Variants in ARFGAP3 observed in about 807,000 individuals in gnomAD.
The protein encoded by ARFGAP3 is ARF GTPase activating protein 3, also known as ADP-ribosylation factor GTPase-activating protein 3.
In ARFGAP3, 72 loss-of-function variants were observed where a neutral mutation model predicts 75.0. The observed-to-expected ratio is 0.96, with a 90% CI of 0.79 to 1.17. ARFGAP3 has a LOEUF of 1.17. Among genes scored for constraint, ARFGAP3 ranks in the 50% most tolerant of loss-of-function variants. The pLI is 0.00. For missense variants in ARFGAP3, 620 were observed against 626.6 expected (o/e 0.99, Z 0.11); for synonymous variants, 221 against 217.9 (o/e 1.01, Z -0.13).
rs147803293 is a variant in ARFGAP3, at chr22:42,831,596, G to T, written c.518C>A (p.Ser173Tyr). The change falls in exon 6 of 16, where the codon TCT becomes TAT. Residue 173 changes from serine to tyrosine, a missense_variant. By Grantham distance (144) the Ser-to-Tyr change is moderately radical. Coordinates refer to ENST00000263245, the MANE Select transcript of ARFGAP3 (RefSeq NM_014570.5). The stretch of plus-strand genomic sequence containing the variant: ...TTCCACAGGCCTTGATGTTAAAGAA[G>T]ATGGTTCTGCTATTGCTGATGCCCA... Reference protein sequence around the residue: ...TAWASAIAEPSSLTSRPVETT... With the variant: ...TAWASAIAEPYSLTSRPVETT... The T allele has an allele frequency of 1.8e-5, 29 of 1,613,932 alleles. No homozygotes were observed. The African/African-American group carries it at 3.1e-4, about 17-fold the overall frequency.
At chr22:42,856,814 C>T (rs934211787) in intron 1 of ARFGAP3, among the ~76,000 whole-genome samples, 8 of 151,708 alleles carry the variant, frequency 5.3e-5, no homozygotes, top group Admixed American at 5.2e-4. Context: ...CGCCTCCGCT[C>T]AGAGCCGCCG....
rs908613928 is a variant in ARFGAP3 at position 42,822,559 on chromosome 22, T to C, written c.673-150A>G. On this transcript the variant is annotated intron_variant, in intron 8 of 15. Transcript: ENST00000263245. ...CTTAGTCCTCAGAACTCTGTGAAGT[T>C]AGTATTATTCCAGGAGTCCCTCAGC... 6.4e-6 allele frequency: 6 copies of C among 931,878 alleles called. No homozygotes were observed. In the African/African-American group the frequency reaches 1.0e-4, roughly 16 times the overall value. 57.7% of individuals were successfully genotyped at this position (931,878 alleles called of 1,614,324 possible). A position where few individuals can be genotyped will look rare whatever the true frequency, so the allele number is the denominator to read the frequency against.
chr22:42,798,488 C>A (rs957862962), intron 15 of ARFGAP3, among the ~76,000 whole-genome samples: 1 of 151,716 alleles, frequency 6.6e-6, no homozygotes, highest in African/African-American at 2.4e-5. Context: ...GACTCTCATG[C>A]GCAAGTATGC....
intron 3 of ARFGAP3, among the ~76,000 whole-genome samples, chr22:42,836,846 A>G (rs1215946995): frequency 6.6e-6 from 1 of 152,226 alleles, no homozygotes; most frequent in African/African-American, 2.4e-5. Flanking sequence ...GATGGGGAAA[A>G]TGAAGCACAG....
At chr22:42,831,437 G>C (rs1359669846) in intron 6 of ARFGAP3, 112 bp downstream of exon 6, 2 of 1,113,346 alleles carry the variant, frequency 1.8e-6, no homozygotes, top group Non-Finnish European at 2.6e-6. Flanking sequence ...CTCGCAAAGT[G>C]CTGGGATTAC....
intron 3 of ARFGAP3, among the ~76,000 whole-genome samples, chr22:42,836,542 G>C (rs1196150952): frequency 6.6e-6 from 1 of 152,154 alleles, no homozygotes; most frequent in Non-Finnish European, 1.5e-5. Flanking sequence ...ATCATTAACA[G>C]ATACTACAAT....
At chr22:42,827,597 C>T (rs1926100043) in intron 6 of ARFGAP3, among the ~76,000 whole-genome samples, 1 of 152,192 alleles carries the variant, frequency 6.6e-6, no homozygotes, top group Non-Finnish European at 1.5e-5. Context: ...AATTCCTGAC[C>T]TCAGGTGGTC....
chr22:42,826,839 A>T, intron 7 of ARFGAP3, 101 bp downstream of exon 7: 1 of 840,408 alleles, frequency 1.2e-6, no homozygotes, highest in Non-Finnish European at 1.9e-6. Flanking sequence ...TGATTATATT[A>T]CTCCGTCAGG....
In ARFGAP3 at chr22:42,840,962, G is replaced by A. The variant is rs752305216; in HGVS notation, c.243C>T (p.Val81=). ...WSWFQLRCMQ[V]GGNASASSFF... ...AACTTACTGCACTAGCGTTTCCTCC[G>A]ACTTGCATGCATCGCAACTGAAACC... The change falls in exon 3 of 16, where the codon GTC becomes GTT. Residue 81 remains valine (V), a synonymous_variant. Coordinates refer to ENST00000263245, the MANE Select transcript of ARFGAP3 (RefSeq NM_014570.5). The A allele has an allele frequency of 8.1e-6, 13 of 1,613,932 alleles. No homozygotes were observed. Among genetic ancestry groups the A allele is most frequent in the East Asian group, 6.7e-5 (3 of 44,890 alleles).
chr22:42,826,987 T>C lies in ARFGAP3; in HGVS notation c.578A>G (p.Gln193Arg). 1 of 1,613,606 alleles carries C rather than the reference T, an allele frequency of 6.2e-7. No homozygotes were observed. The highest frequency in any genetic ancestry group is 8.5e-7 in the Non-Finnish European group (1 of 1,179,880). ...TLENNEGGQE[Q>R]GPSVEGLNVP... ...ATTAAGACCTTCCACACTTGGTCCT[T>C]GCTCTTGTCCACCTGAAAATTCAAA... is the stretch of plus-strand genomic sequence containing the variant. The change falls in exon 7 of 16, where the codon CAA becomes CGA. Residue 193 changes from glutamine to arginine, a missense_variant. Transcript: ENST00000263245.
At chr22:42,843,249 C>A (rs987940035) in intron 2 of ARFGAP3, among the ~76,000 whole-genome samples, 1 of 152,142 alleles carries the variant, frequency 6.6e-6, no homozygotes, top group Admixed American at 6.5e-5. Context: ...CTAAAGCGCT[C>A]CACAATATGA....
At chr22:42,841,050 T>A in intron 2 of ARFGAP3, 34 bp from the exon 3 acceptor site, 1 of 1,601,590 alleles carries the variant, frequency 6.2e-7, no homozygotes, top group East Asian at 2.3e-5. Context: ...CTGTTAATAT[T>A]TTTTATCCCC....
chr22:42,805,556 C>T (rs1021949532), intron 14 of ARFGAP3, among the ~76,000 whole-genome samples: 8 of 152,118 alleles, frequency 5.3e-5, no homozygotes, highest in African/African-American at 1.9e-4. Context: ...GACAACAGGC[C>T]AGGACACTGA....
intron 9 of ARFGAP3, chr22:42,818,061 T>A (rs1289600553): frequency 4.2e-6 from 1 of 236,264 alleles, no homozygotes; most frequent in Admixed American, 6.5e-5. Context: ...TTACAGCCAC[T>A]TTCTCATTGC....
chr22:42,825,132 C>T (rs1028008765), intron 7 of ARFGAP3, among the ~76,000 whole-genome samples: 30 of 152,264 alleles, frequency 2.0e-4, no homozygotes, highest in African/African-American at 6.0e-4. Context: ...AGTGTGATGG[C>T]GTGCGCCTGT....
intron 14 of ARFGAP3, 50 bp from the exon 15 acceptor site, chr22:42,799,210 C>G: frequency 6.2e-7 from 1 of 1,602,834 alleles, no homozygotes; most frequent in Non-Finnish European, 8.5e-7. Context: ...GCCACAGCTG[C>G]GGCAAACCCA....
At chr22:42,823,882 T>A (rs879895914) in intron 7 of ARFGAP3, 180 bp from the exon 8 acceptor site, 17 of 479,636 alleles carry the variant, frequency 3.5e-5, no homozygotes, top group Non-Finnish European at 4.6e-5. Flanking sequence ...CAGAACTTTG[T>A]CAAAATGGTG....
intron 3 of ARFGAP3, among the ~76,000 whole-genome samples, chr22:42,840,217 C>A (rs571289778): frequency 4.6e-5 from 7 of 151,958 alleles, no homozygotes; most frequent in African/African-American, 1.7e-4. Flanking sequence ...CAAGCATGAG[C>A]CACCGTGCCC....
Position 42,799,064 on chromosome 22 carries a change from G to C in ARFGAP3, c.1508C>G (p.Ala503Gly). ...CTGAATTGAAGTCACGACTCCATTA[G>C]CAAAGACGGAGAGTTTTCCAGCAAC... ...RSVAGKLSVF[A>G]NGVVTSIQDR... is the part of the protein sequence containing the mutation. The change falls in exon 15 of 16, where the codon GCT (alanine) becomes GGT (glycine). Residue 503 changes from alanine (A) to glycine (G), a missense_variant. Physicochemically the swap from Ala to Gly is moderately conservative, Grantham distance 60. Transcript: ENST00000263245. The C allele has an allele frequency of 6.2e-7, 1 of 1,614,174 alleles. No homozygotes were observed. The highest frequency in any genetic ancestry group is 8.5e-7 in the Non-Finnish European group (1 of 1,180,032).
Sources: allele counts gnomAD v4.1 joint callset (sites outside exome capture counted in the v4.1 genomes callset), GRCh38; gene constraint gnomAD v4.1.1; transcripts MANE v1.5; gene names NCBI Gene and HGNC (gene_info 2026-07-23, HGNC 2026-07-21).